Variants in TIMM9 observed in about 807,000 individuals in gnomAD.
TIMM9 encodes the protein translocase of inner mitochondrial membrane 9.
Under a neutral mutation model 13.4 loss-of-function variants are expected in TIMM9, and 10 were observed. The observed-to-expected ratio is 0.75, with a 90% CI of 0.46 to 1.26. TIMM9 has a LOEUF of 1.26. TIMM9 is among the 50% of genes most tolerant of loss of function. The probability of loss-of-function intolerance (pLI) is 0.00; values close to 1 mark genes in which losing one functional copy is unlikely to be tolerated. For missense variants in TIMM9, 87 were observed against 100.8 expected (o/e 0.86, Z 0.58); for synonymous variants, 32 against 32.1 (o/e 1.00, Z 0.01).
chr14:58,423,514 CAAAAAAAAAA>C (rs398025245), intron 3 of TIMM9, among the ~76,000 whole-genome samples: 3 of 66,494 alleles, frequency 4.5e-5, no homozygotes, highest in Non-Finnish European at 8.1e-5. Context: ...GACTTTGTCT[CAAAAAAAAAA>C]AAAAAAAAAA....
At chr14:58,423,788 C>G (rs2140344226) in intron 3 of TIMM9, 1 of 152,228 alleles carries the variant, frequency 6.6e-6, no homozygotes, top group Non-Finnish European at 1.5e-5. Flanking sequence ...TATATTACAG[C>G]AAATTTATGT....
chr14:58,416,197 C>T (rs2036404244), intron 3 of TIMM9, among the ~76,000 whole-genome samples: 1 of 152,032 alleles, frequency 6.6e-6, no homozygotes, highest in African/African-American at 2.4e-5. Flanking sequence ...CAGTGCATTC[C>T]AGCCTGGGTG....
intron 3 of TIMM9, among the ~76,000 whole-genome samples, chr14:58,414,399 C>T (rs1280818991): frequency 1.3e-5 from 2 of 152,198 alleles, no homozygotes; most frequent in Non-Finnish European, 2.9e-5. Flanking sequence ...TTCCACCAGT[C>T]TCAACCATAC....
intron 3 of TIMM9, among the ~76,000 whole-genome samples, chr14:58,422,314 C>G (rs2036612159): frequency 1.3e-5 from 2 of 152,004 alleles, no homozygotes; most frequent in Admixed American, 6.6e-5. Context: ...GGGGGTTTCT[C>G]CACATTGGTG....
At chr14:58,417,488 A>C (rs1477252772) in intron 3 of TIMM9, among the ~76,000 whole-genome samples, 92 of 124,676 alleles carry the variant, frequency 7.4e-4, no homozygotes, top group African/African-American at 2.6e-3. Flanking sequence ...ATAAAACAGC[A>C]AGACCCTGTT....
chr14:58,426,485 G>T (rs1040667133), intron 2 of TIMM9, among the ~76,000 whole-genome samples: 2 of 152,104 alleles, frequency 1.3e-5, no homozygotes, highest in Non-Finnish European at 2.9e-5. Context: ...GATTACAGGC[G>T]TGAGCCACCG....
chr14:58,409,169 C>A lies in TIMM9; in HGVS notation c.136-1G>T. ...GTAAGCAATGTTCTGAACAGGTGGT[C>A]TAGGAATGAAAAGGGAAGATCCAAG... On this transcript the variant is annotated splice_acceptor_variant, in intron 5 of 5. Coordinates refer to ENST00000395159, the MANE Select transcript of TIMM9 (RefSeq NM_012460.4). LOFTEE classifies it high-confidence loss of function. 1 of 1,610,772 alleles carries A rather than the reference C, an allele frequency of 6.2e-7. No homozygotes were observed. Among genetic ancestry groups the A allele is most frequent in the South Asian group, 1.1e-5 (1 of 90,164 alleles).
chr14:58,418,567 C>A (rs1441631636), intron 3 of TIMM9, among the ~76,000 whole-genome samples: 1 of 152,118 alleles, frequency 6.6e-6, no homozygotes, highest in Non-Finnish European at 1.5e-5. Flanking sequence ...AAAGAATCTA[C>A]AAATAAACTC....
chr14:58,412,064 A>G (rs1450062137), intron 3 of TIMM9, 93 bp from the exon 4 acceptor site: 3 of 909,256 alleles, frequency 3.3e-6, no homozygotes, highest in African/African-American at 1.6e-5. Flanking sequence ...GTATTTTATA[A>G]ATCTGTGTAT....
intron 5 of TIMM9, among the ~76,000 whole-genome samples, 164 bp from the exon 6 acceptor site, chr14:58,409,332 TTTCA>T (rs1465740768): frequency 6.6e-6 from 1 of 152,220 alleles, no homozygotes; most frequent in African/African-American, 2.4e-5. Context: ...TAATTGATAC[TTTCA>T]TTCACTGACA....
rs2036124341 is a variant in TIMM9, at chr14:58,409,097, T to C, written c.207A>G (p.Glu69=). Residue 69 remains glutamate (E), a synonymous_variant, in exon 6 of 6, where the codon GAA becomes GAG. Coordinates refer to ENST00000395159, the MANE Select transcript of TIMM9 (RefSeq NM_012460.4). The part of the protein sequence containing the change: ...MTQRISMRFQ[E]YHIQQNEALA... ...GGGCTTCATTCTGCTGAATATGATA[T>C]TCCTGAAATCTCATGGATATTCTTT... 1.2e-6 allele frequency: 2 copies of C among 1,614,078 alleles called. No individual in the cohort carries two copies. The highest frequency in any genetic ancestry group is 1.7e-6 in the Non-Finnish European group (2 of 1,179,988).
At chr14:58,412,332 G>A (rs1425343922) in intron 3 of TIMM9, among the ~76,000 whole-genome samples, 1 of 152,100 alleles carries the variant, frequency 6.6e-6, no homozygotes, top group African/African-American at 2.4e-5. Context: ...AGTAGAGATG[G>A]GGTTTCACCA....
At chr14:58,421,039 T>A (rs1031132610) in intron 3 of TIMM9, among the ~76,000 whole-genome samples, 1 of 152,140 alleles carries the variant, frequency 6.6e-6, no homozygotes, top group African/African-American at 2.4e-5. Context: ...AATGAAAATT[T>A]GTGTTCACAG....
chr14:58,422,456 G>C (rs1448671226), intron 3 of TIMM9, among the ~76,000 whole-genome samples: 1 of 152,056 alleles, frequency 6.6e-6, no homozygotes, highest in Non-Finnish European at 1.5e-5. Context: ...GTTTCATACT[G>C]GTACCCTGTG....
At position 58,409,041 on chromosome 14, in the gene TIMM9, G is replaced by A; in HGVS notation, c.263C>T (p.Pro88Leu). ...TCATCCATCAGGACTTCTCTATCGT[G>A]GTTGGCCAAGGAGTCCTGCTTTGGC... is the stretch of plus-strand genomic sequence containing the variant. ...LAAKAGLLGQ[P>L]R Residue 88 changes from proline to leucine, a missense_variant, in exon 6 of 6, where the codon CCA (proline) becomes CTA (leucine). Transcript: ENST00000395159. 6.2e-7 allele frequency: 1 copy of A among 1,612,068 alleles called. No individual in the cohort carries two copies. The highest frequency in any genetic ancestry group is 8.5e-7 in the Non-Finnish European group (1 of 1,179,638).
chr14:58,411,766 A>T, intron 4 of TIMM9, 141 bp downstream of exon 4: 1 of 698,074 alleles, frequency 1.4e-6, no homozygotes, highest in Non-Finnish European at 2.5e-6. Flanking sequence ...TGAACTCCTG[A>T]CTTCATGTGA....
chr14:58,422,013 CT>C (rs34329213), intron 3 of TIMM9, among the ~76,000 whole-genome samples: 27,943 of 121,118 alleles, frequency 0.23, 3,705 homozygotes, highest in East Asian at 0.73. Flanking sequence ...AAAATCTGTT[CT>C]TTTTTTTTTT....
intron 4 of TIMM9, 62 bp downstream of exon 4, chr14:58,411,845 T>G (rs2036229859): frequency 6.7e-7 from 1 of 1,482,052 alleles, no homozygotes; most frequent in South Asian, 1.1e-5. Flanking sequence ...CCTGACATGG[T>G]GGCATTAGTA....
In TIMM9 at chr14:58,409,142, C is replaced by T. The variant is rs200148058; in HGVS notation, c.162G>A (p.Gln54=). The change falls in exon 6 of 6, where the codon CAG becomes CAA. Residue 54 remains glutamine (Q), a synonymous_variant. Coordinates refer to ENST00000395159, the MANE Select transcript of TIMM9 (RefSeq NM_012460.4). The stretch of plus-strand genomic sequence containing the variant: ...TTCTTTGTGTCATTTTTAAATATTT[C>T]TGTAAGCAATGTTCTGAACAGGTGG... The part of the protein sequence containing the change: ...EETTCSEHCL[Q]KYLKMTQRIS... 6.8e-6 allele frequency: 11 copies of T among 1,613,560 alleles called. No homozygotes were observed. Among genetic ancestry groups the T allele is most frequent in the Non-Finnish European group, 8.5e-6 (10 of 1,179,882 alleles).
Sources: allele counts gnomAD v4.1 joint callset (sites outside exome capture counted in the v4.1 genomes callset), GRCh38; gene constraint gnomAD v4.1.1; transcripts MANE v1.5; gene names NCBI Gene and HGNC (gene_info 2026-07-23, HGNC 2026-07-21).